The following PCGF3 variants were observed in gnomAD, a reference collection of about 807,000 sequenced individuals.
The protein encoded by PCGF3 is polycomb group ring finger 3, also known as polycomb group RING finger protein 3.
In PCGF3, 7 loss-of-function variants were observed where a neutral mutation model predicts 33.1. The observed-to-expected ratio is 0.21, with a 90% CI of 0.12 to 0.40. PCGF3 has a LOEUF of 0.40. Ranked by LOEUF, PCGF3 falls within the 10% of genes least tolerant of loss-of-function variation. The pLI is 1.00. For missense variants in PCGF3, 211 were observed against 313.3 expected (o/e 0.67, Z 2.46); for synonymous variants, 153 against 121.3 (o/e 1.26, Z -1.72).
At chr4:730,506 G>A (rs1319965995) in intron 1 of PCGF3, 124 bp from the exon 2 acceptor site, 2 of 152,442 alleles carry the variant, frequency 1.3e-5, no homozygotes, top group African/African-American at 4.8e-5. Flanking sequence ...TCCCTGTGAA[G>A]AACTTTTGGT....
rs570528684 is a variant in PCGF3, at chr4:755,904, C to CTTTT, written c.463-5350_463-5347dup. On this transcript the variant is annotated intron_variant, in intron 8 of 10. Coordinates refer to ENST00000362003, the Ensembl canonical transcript of PCGF3. Reference sequence around the variant, plus strand: ...CTCATTTTTCTTCTTCAGAATTGTCCTTTTTTTTTTTTTTTTTTTTTTTTT... The same window carrying CTTTT: ...CTCATTTTTCTTCTTCAGAATTGTCCTTTTTTTTTTTTTTTTTTTTTTTTTTTTT... 1.3e-3 allele frequency among the ~76,000 whole-genome samples: 117 copies of CTTTT among 87,194 alleles called. 9 individuals are homozygous for CTTTT. Among genetic ancestry groups the CTTTT allele is most frequent in the South Asian group, 4.1e-3 (9 of 2,212 alleles). The allele number at this position is 87,194 out of a possible 152,430, so 57.2% of individuals were successfully genotyped here. A position where few individuals can be genotyped will look rare whatever the true frequency, so the allele number is the denominator to read the frequency against.
exon 11 of PCGF3, chr4:768,937 A>G (rs1245284521): frequency 6.5e-6 from 1 of 152,704 alleles, no homozygotes; most frequent in African/African-American, 2.4e-5. Flanking sequence ...TTTAAATGGT[A>G]ATGTAGCATT....
chr4:761,868 G>A, intron 9 of PCGF3: 1 of 985,438 alleles, frequency 1.0e-6, no homozygotes. Flanking sequence ...GAGCCCCCAA[G>A]GCAGTGACAC....
exon 9 of PCGF3, chr4:761,328 G>A (rs1745045170): frequency 6.2e-7 from 1 of 1,609,060 alleles, no homozygotes; most frequent in Non-Finnish European, 8.5e-7. Context: ...GGGCTGAAGC[G>A]GAAGTGGATC....
chr4:734,524 A>G, intron 4 of PCGF3: 8 of 1,192,646 alleles, frequency 6.7e-6, no homozygotes, highest in South Asian at 3.1e-5. Flanking sequence ...TGGTTAGCAT[A>G]TTTTATGTTA....
Position 722,071 on chromosome 4 carries a change from C to CG in PCGF3, c.-189-8555dup, listed in dbSNP as rs985028139. ...AGCACATCGCGTAGTGCAGGACACA[C>CG]GGGGCGTGGGACGGTGTCTGTGTGA... is the stretch of plus-strand genomic sequence containing the variant. On this transcript the variant is annotated intron_variant, in intron 1 of 10. Transcript: ENST00000362003. Among the ~76,000 whole-genome samples, 14 of 152,172 alleles carry CG rather than the reference C, an allele frequency of 9.2e-5. 2 individuals carry two copies. Among genetic ancestry groups the CG allele is most frequent in the East Asian group, 1.9e-4 (1 of 5,176 alleles).
At chr4:714,821 G>T (rs1742738545) in intron 1 of PCGF3, among the ~76,000 whole-genome samples, 1 of 152,264 alleles carries the variant, frequency 6.6e-6, no homozygotes, top group South Asian at 2.1e-4. Context: ...CGATTTTGAG[G>T]TAGCTTATTT....
At chr4:718,690 C>A (rs548628818) in intron 1 of PCGF3, among the ~76,000 whole-genome samples, 2 of 152,254 alleles carry the variant, frequency 1.3e-5, no homozygotes, top group South Asian at 2.1e-4. Context: ...GCAGGCAACA[C>A]CCTGAGTGGG....
At chr4:744,296 G>T (rs764116503) in intron 7 of PCGF3, among the ~76,000 whole-genome samples, 1 of 152,262 alleles carries the variant, frequency 6.6e-6, no homozygotes, top group Non-Finnish European at 1.5e-5. Context: ...GAGCAGCTCC[G>T]GGCGGGCCTG....
At chr4:715,749 C>A (rs1488105031) in intron 1 of PCGF3, among the ~76,000 whole-genome samples, 1 of 71,468 alleles carries the variant, frequency 1.4e-5, no homozygotes, top group African/African-American at 5.1e-5. Context: ...GGTGCTGGGA[C>A]CCTGTGGACA....
chr4:722,484 A>G (rs1743124719), intron 1 of PCGF3: 1 of 270,826 alleles, frequency 3.7e-6, no homozygotes, highest in Admixed American at 5.8e-5. Context: ...TCAGAGACAC[A>G]TCCATTCACG....
At chr4:749,057 T>A (rs1358333672) in intron 8 of PCGF3, among the ~76,000 whole-genome samples, 1 of 152,242 alleles carries the variant, frequency 6.6e-6, no homozygotes, top group Non-Finnish European at 1.5e-5. Flanking sequence ...TTTATATCAG[T>A]GTTTACTTTT....
exon 11 of PCGF3, chr4:768,377 TCTTTC>T (rs1745472668): frequency 1.3e-5 from 2 of 152,424 alleles, no homozygotes; most frequent in East Asian, 1.9e-4. Context: ...TGGGCGGCCT[TCTTTC>T]CTTTCTGTCA....
chr4:750,128 CTG>C (rs1274897628), intron 8 of PCGF3, among the ~76,000 whole-genome samples: 1 of 152,252 alleles, frequency 6.6e-6, no homozygotes, highest in East Asian at 1.9e-4. Context: ...GCATTTCCGG[CTG>C]TGTTTCCTGT....
chr4:742,920 C>T (rs1202100762), intron 6 of PCGF3, among the ~76,000 whole-genome samples: 2 of 152,192 alleles, frequency 1.3e-5, no homozygotes, highest in East Asian at 1.9e-4. Context: ...CCGGGGCTCT[C>T]GGGCCCTCGA....
chr4:747,872 TTCC>T (rs75161779), intron 8 of PCGF3, among the ~76,000 whole-genome samples: 6,015 of 108,680 alleles, frequency 0.055, 159 homozygotes, highest in East Asian at 0.13. Flanking sequence ...TCCCGACTTC[TTCC>T]TTTTTCTTTT....
At position 713,308 on chromosome 4, in the gene PCGF3, G is replaced by C. The variant is rs570810010; in HGVS notation, c.-190+7338G>C. ...GGGCTGTGGCCTCATGGGGGCTGTA[G>C]CCTTGTGGGTCCTGTGTGGCCTGGT... is the stretch of plus-strand genomic sequence containing the variant. On this transcript the variant is annotated intron_variant, in intron 1 of 10. Coordinates refer to ENST00000362003, the Ensembl canonical transcript of PCGF3. Among the ~76,000 whole-genome samples, 15 of 97,482 alleles carry C rather than the reference G, an allele frequency of 1.5e-4. No individual in the cohort carries two copies. In the South Asian group the frequency reaches 5.4e-3, roughly 35 times the overall value. The allele number at this position is 97,482 out of a possible 152,430, so 64.0% of individuals were successfully genotyped here. A position where few individuals can be genotyped will look rare whatever the true frequency, so the allele number is the denominator to read the frequency against.
At chr4:714,767 C>T (rs1742736545) in intron 1 of PCGF3, among the ~76,000 whole-genome samples, 1 of 152,260 alleles carries the variant, frequency 6.6e-6, no homozygotes, top group South Asian at 2.1e-4. Flanking sequence ...GAAAGCTGCC[C>T]TGGAGGGACT....
At chr4:747,802 C>T (rs1163890619) in intron 8 of PCGF3, among the ~76,000 whole-genome samples, 2 of 152,190 alleles carry the variant, frequency 1.3e-5, no homozygotes, top group African/African-American at 2.4e-5. Context: ...CACCAGAAAC[C>T]TTCCCTGGGG....
Sources: allele counts gnomAD v4.1 joint callset (sites outside exome capture counted in the v4.1 genomes callset), GRCh38; gene constraint gnomAD v4.1.1; transcripts MANE v1.5; gene names NCBI Gene and HGNC (gene_info 2026-07-23, HGNC 2026-07-21).